The following ANKRD6 variants were observed in gnomAD, a reference collection of about 807,000 sequenced individuals.
ANKRD6 encodes the protein ankyrin repeat domain 6.
In ANKRD6, 56 loss-of-function variants were observed where a neutral mutation model predicts 82.3. The observed-to-expected ratio is 0.68, with a 90% CI of 0.55 to 0.85. The LOEUF (loss-of-function observed/expected upper bound fraction) is 0.85, where lower values mean the gene tolerates loss of function less well. Among genes scored for constraint, ANKRD6 ranks in the 40% least tolerant of loss-of-function variants. ANKRD6 has a pLI of 0.00. For synonymous variants in ANKRD6, 347 were observed against 352.1 expected, an observed-to-expected ratio of 0.99 and a Z score of 0.16; for missense variants, 852 against 907.6, an observed-to-expected ratio of 0.94 and a Z score of 0.79.
intron 1 of ANKRD6, among the ~76,000 whole-genome samples, chr6:89,549,750 CTGCCTCTGGGACACCCAA>C (rs1785570339): frequency 6.6e-6 from 1 of 152,112 alleles, no homozygotes; most frequent in Admixed American, 6.5e-5. Flanking sequence ...CCCTGCACTC[CTGCCTCTGGGACACCCAA>C]TGCCTTATAT....
intron 1 of ANKRD6, among the ~76,000 whole-genome samples, chr6:89,533,591 G>T (rs1419121123): frequency 9.9e-5 from 15 of 152,172 alleles, no homozygotes; most frequent in Non-Finnish European, 1.5e-5. Context: ...GAGCAAGAGA[G>T]CAAGGTTGCT....
intron 10 of ANKRD6, among the ~76,000 whole-genome samples, chr6:89,623,022 T>TGGGGGGGGGGGGGGGGGGGGGGGGGG (rs1171985900): frequency 2.0e-5 from 1 of 51,280 alleles, no homozygotes; most frequent in African/African-American, 9.1e-5. Flanking sequence ...GAGTGGGGGG[T>TGGGGGGGGGGGGGGGGGGGGGGGGGG]GGGGGGGGCG....
chr6:89,489,355 G>A (rs1777760691), intron 1 of ANKRD6, among the ~76,000 whole-genome samples: 1 of 152,148 alleles, frequency 6.6e-6, no homozygotes, highest in Admixed American at 6.6e-5. Flanking sequence ...CAGAACAGAA[G>A]GAAGTTTTTC....
chr6:89,612,752 G>A (rs1156701178), intron 6 of ANKRD6, among the ~76,000 whole-genome samples: 1 of 152,176 alleles, frequency 6.6e-6, no homozygotes, highest in Non-Finnish European at 1.5e-5. Context: ...CATTTACAGG[G>A]GAGGTCCTCT....
chr6:89,582,432 C>G (rs907585224), intron 2 of ANKRD6, among the ~76,000 whole-genome samples: 2 of 152,146 alleles, frequency 1.3e-5, no homozygotes, highest in Non-Finnish European at 2.9e-5. Context: ...CTCAAGCAGT[C>G]TTCCCACTTC....
intron 1 of ANKRD6, among the ~76,000 whole-genome samples, chr6:89,480,153 T>A (rs1303720776): frequency 1.3e-5 from 2 of 152,222 alleles, no homozygotes; most frequent in African/African-American, 4.8e-5. Flanking sequence ...CATCGGCCTC[T>A]GTTCATACTC....
At chr6:89,504,052 G>C (rs536114944) in intron 1 of ANKRD6, among the ~76,000 whole-genome samples, 1 of 149,416 alleles carries the variant, frequency 6.7e-6, no homozygotes, top group East Asian at 2.0e-4. Flanking sequence ...TGAGGGAGAG[G>C]GTGTTTGAGT....
chr6:89,481,177 C>T (rs6912104), intron 1 of ANKRD6, among the ~76,000 whole-genome samples: 70,952 of 151,812 alleles, frequency 0.47, 17,304 homozygotes, highest in African/African-American at 0.6. Context: ...AAATGAGCAT[C>T]CCCCACTTTA....
At chr6:89,611,171 A>ATT (rs55967563) in intron 5 of ANKRD6, among the ~76,000 whole-genome samples, 111 of 147,514 alleles carry the variant, frequency 7.5e-4, no homozygotes, top group East Asian at 2.0e-3. Flanking sequence ...GTATTCCTCT[A>ATT]TTTTTTTTTT....
At chr6:89,625,319 T>A (rs1477156253) in intron 13 of ANKRD6, among the ~76,000 whole-genome samples, 5 of 152,174 alleles carry the variant, frequency 3.3e-5, no homozygotes, top group African/African-American at 1.2e-4. Flanking sequence ...TTTTTTGAGT[T>A]TTTTTATATG....
At chr6:89,590,630 C>T (rs1562948134) in intron 2 of ANKRD6, among the ~76,000 whole-genome samples, 1 of 152,136 alleles carries the variant, frequency 6.6e-6, no homozygotes, top group Non-Finnish European at 1.5e-5. Flanking sequence ...GCTGAGCTTC[C>T]TAAGGGTGAG....
At chr6:89,529,831 C>G (rs1782924664) in intron 1 of ANKRD6, among the ~76,000 whole-genome samples, 1 of 152,104 alleles carries the variant, frequency 6.6e-6, no homozygotes, top group Non-Finnish European at 1.5e-5. Context: ...GTGGAGGAGT[C>G]AGAGTACACA....
At chr6:89,590,656 T>C (rs1794697123) in intron 2 of ANKRD6, among the ~76,000 whole-genome samples, 1 of 152,144 alleles carries the variant, frequency 6.6e-6, no homozygotes, top group South Asian at 2.1e-4. Flanking sequence ...AAGCCCCTGC[T>C]CTGCCAGAGA....
At position 89,623,860 on chromosome 6, in the gene ANKRD6, C is replaced by T; in HGVS notation, c.1033-12C>T. The T allele has an allele frequency of 1.2e-6, 2 of 1,608,810 alleles. No homozygotes were observed. The highest frequency in any genetic ancestry group is 1.7e-6 in the Non-Finnish European group (2 of 1,177,544). ...AAAGCGTTCAGGGGTGTTGTCTCTT[C>T]CTCTCTTACAGGTGTCAGCATTTTC... On this transcript the variant is annotated splice_polypyrimidine_tract_variant and intron_variant, in intron 11 of 15. Transcript: ENST00000339746.
In ANKRD6 at chr6:89,457,708, AT is replaced by A. The variant is rs373451159; in HGVS notation, c.-144+24335del. Among the ~76,000 whole-genome samples the A allele has an allele frequency of 2.4e-3, 361 of 152,346 alleles. 1 individual carries two copies. The highest frequency in any genetic ancestry group is 8.3e-3 in the African/African-American group (344 of 41,582). Reference sequence around the variant, plus strand: ...ATTTTGGCTTATGTTACTGGGAAATATTGTGACTCTCAGGCTAAAGTAATAA... The same window carrying A: ...ATTTTGGCTTATGTTACTGGGAAATATGTGACTCTCAGGCTAAAGTAATAA... On this transcript the variant is annotated intron_variant, in intron 1 of 15. Coordinates refer to ENST00000339746, the MANE Select transcript of ANKRD6 (RefSeq NM_001242809.2).
Position 89,554,510 on chromosome 6 carries a change from G to A in ANKRD6, c.-143-12324G>A, listed in dbSNP as rs1479787308. ...ACTAAGACATGGACATATCTTTTGG[G>A]GACCCACCATTCAGTTCACTATAGA... On this transcript the variant is annotated intron_variant, in intron 1 of 15. Coordinates refer to ENST00000339746, the MANE Select transcript of ANKRD6 (RefSeq NM_001242809.2). 2.0e-5 allele frequency among the ~76,000 whole-genome samples: 3 copies of A among 151,870 alleles called. No individual in the cohort carries two copies. In the East Asian group the frequency reaches 5.8e-4, roughly 29 times the overall value.
At chr6:89,447,477 A>C (rs1772234371) in intron 1 of ANKRD6, among the ~76,000 whole-genome samples, 1 of 152,230 alleles carries the variant, frequency 6.6e-6, no homozygotes, top group Non-Finnish European at 1.5e-5. Context: ...GTCTGAAGCT[A>C]GCAGAGATTG....
intron 1 of ANKRD6, among the ~76,000 whole-genome samples, chr6:89,459,521 A>G (rs2127769088): frequency 6.6e-6 from 1 of 152,216 alleles, no homozygotes; most frequent in East Asian, 1.9e-4. Context: ...TCTATTTCCA[A>G]TGCCATCTAA....
chr6:89,482,559 C>T (rs574260178), intron 1 of ANKRD6, among the ~76,000 whole-genome samples: 1 of 152,220 alleles, frequency 6.6e-6, no homozygotes, highest in South Asian at 2.1e-4. Flanking sequence ...TGGCTTCTCC[C>T]AGCACCCACT....
Sources: allele counts gnomAD v4.1 joint callset (sites outside exome capture counted in the v4.1 genomes callset), GRCh38; gene constraint gnomAD v4.1.1; transcripts MANE v1.5; gene names NCBI Gene and HGNC (gene_info 2026-07-23, HGNC 2026-07-21).